The following ACOT13 variants were observed in gnomAD, a reference collection of about 807,000 sequenced individuals.
ACOT13 encodes the protein acyl-CoA thioesterase 13.
In ACOT13, 10 loss-of-function variants were observed where a neutral mutation model predicts 11.8. The ratio of observed to expected loss-of-function variants is 0.85; its 90% CI spans 0.53 to 1.44. The LOEUF is 1.44. ACOT13 is among the 40% of genes most tolerant of loss of function. The pLI is 0.00. For missense variants in ACOT13, 172 were observed against 174.1 expected, an observed-to-expected ratio of 0.99 and a Z score of 0.07; for synonymous variants, 53 against 61.0, an observed-to-expected ratio of 0.87 and a Z score of 0.61.
At chr6:24,674,006 T>C (rs781670183) in intron 1 of ACOT13, among the ~76,000 whole-genome samples, 1 of 152,214 alleles carries the variant, frequency 6.6e-6, no homozygotes, top group Non-Finnish European at 1.5e-5. Context: ...TATTTCCTGA[T>C]TCCTTTACCT....
At chr6:24,685,274 T>C (rs1480208852) in intron 1 of ACOT13, among the ~76,000 whole-genome samples, 1 of 151,986 alleles carries the variant, frequency 6.6e-6, no homozygotes, top group Non-Finnish European at 1.5e-5. Flanking sequence ...AAAGTATGTA[T>C]TTATGCATAG....
rs1199094587 is a variant in ACOT13, at chr6:24,704,926, TTTC to T, written c.*3314_*3316del. 7.2e-5 allele frequency: 11 copies of T among 152,406 alleles called. No individual in the cohort carries two copies. Among genetic ancestry groups the T allele is most frequent in the African/African-American group, 2.4e-4 (10 of 41,406 alleles). 9.4% of individuals were successfully genotyped at this position (152,406 alleles called of 1,614,324 possible). On this transcript the variant is annotated 3_prime_UTR_variant, in exon 3 of 3. Transcript: ENST00000230048. ...TTTATTTAGGTTTTCTTTTTCTTTT[TTTC>T]TTTTTTTTTCAAATTCCAACCAGAA...
intron 1 of ACOT13, among the ~76,000 whole-genome samples, chr6:24,672,549 G>C (rs1464740428): frequency 6.6e-6 from 1 of 152,216 alleles, no homozygotes; most frequent in Non-Finnish European, 1.5e-5. Context: ...TGAGGCAGGA[G>C]AATCGCTTGA....
intron 1 of ACOT13, among the ~76,000 whole-genome samples, chr6:24,678,533 A>C (rs1206928868): frequency 6.6e-6 from 1 of 152,102 alleles, no homozygotes; most frequent in Non-Finnish European, 1.5e-5. Context: ...AGGAGGTAGA[A>C]TCCTTTAATT....
chr6:24,669,550 C>CT (rs1225983901), intron 1 of ACOT13, among the ~76,000 whole-genome samples: 1 of 151,610 alleles, frequency 6.6e-6, no homozygotes, highest in Admixed American at 6.6e-5. Flanking sequence ...GCCCCCTTTT[C>CT]TTTTTTTTAA....
chr6:24,675,299 A>G (rs1361224110), intron 1 of ACOT13, among the ~76,000 whole-genome samples: 5 of 142,112 alleles, frequency 3.5e-5, no homozygotes, highest in African/African-American at 1.0e-4. Context: ...TCCTTGAGGA[A>G]TTGCCAGTGT....
intron 1 of ACOT13, among the ~76,000 whole-genome samples, chr6:24,680,080 G>A (rs967219418): frequency 1.3e-5 from 2 of 152,118 alleles, no homozygotes; most frequent in Non-Finnish European, 2.9e-5. Flanking sequence ...TCGGGGGGAT[G>A]CTGAGATAGG....
Position 24,698,000 on chromosome 6 carries a change from A to G in ACOT13, c.199A>G (p.Ile67Val), listed in dbSNP as rs894340527. 6.2e-6 allele frequency: 10 copies of G among 1,613,938 alleles called. No homozygotes were observed. The highest frequency in any genetic ancestry group is 1.7e-4 in the Middle Eastern group (1 of 6,060). Residue 67 changes from isoleucine (I) to valine (V), a missense_variant, in exon 2 of 3, where the codon ATA becomes GTA. Transcript: ENST00000230048. ...TTTGACAGCCACGTTAGTAGATAAC[A>G]TATCAACAATGGCTCTGCTATGCAC... Reference protein sequence around the residue: ...GGLTATLVDNISTMALLCTER... With the variant: ...GGLTATLVDNVSTMALLCTER...
chr6:24,688,196 C>T (rs373512485), intron 1 of ACOT13, among the ~76,000 whole-genome samples: 3 of 149,600 alleles, frequency 2.0e-5, no homozygotes, highest in Non-Finnish European at 3.0e-5. Flanking sequence ...ATTTTTTTTT[C>T]AAAGATCTAT....
intron 2 of ACOT13, among the ~76,000 whole-genome samples, chr6:24,699,428 T>G (rs558172686): frequency 1.3e-5 from 2 of 152,322 alleles, no homozygotes; most frequent in East Asian, 1.9e-4. Context: ...GCCAGGCTGG[T>G]CTCGATCTCC....
chr6:24,700,425 C>CTTTTTTTTTTTT (rs34173572), intron 2 of ACOT13, among the ~76,000 whole-genome samples: 1 of 105,140 alleles, frequency 9.5e-6, no homozygotes, highest in African/African-American at 4.0e-5. Context: ...TAAGATCCAC[C>CTTTTTTTTTTTT]TTTTTTTTTT....
chr6:24,688,384 A>T (rs1489073175), intron 1 of ACOT13, among the ~76,000 whole-genome samples: 5 of 151,828 alleles, frequency 3.3e-5, no homozygotes, highest in East Asian at 1.9e-4. Flanking sequence ...ACAAAAAAAT[A>T]AAAAAATTAA....
In ACOT13 at chr6:24,698,049, G is replaced by A. The variant is rs1778827320; in HGVS notation, c.248G>A (p.Ser83Asn). 5.6e-6 allele frequency: 9 copies of A among 1,608,652 alleles called. No homozygotes were observed. Among genetic ancestry groups the A allele is most frequent in the Non-Finnish European group, 7.6e-6 (9 of 1,177,874 alleles). Residue 83 changes from serine to asparagine, a missense_variant, in exon 2 of 3, where the codon AGT (serine) becomes AAT (asparagine). Transcript: ENST00000230048. ...LCTERGAPGV[S>N]VDMNITYMSP... ...ACGGAAAGGGGAGCACCCGGAGTCAGTGTCGATATGAACATAACGTATGTA... is the reference window on the plus strand; with the variant it reads ...ACGGAAAGGGGAGCACCCGGAGTCAATGTCGATATGAACATAACGTATGTA...
chr6:24,683,040 T>C lies in ACOT13; in HGVS notation c.82-14843T>C, dbSNP rs565098457. 5.3e-4 allele frequency among the ~76,000 whole-genome samples: 81 copies of C among 152,314 alleles called. No homozygotes were observed. In the South Asian group the frequency reaches 9.1e-3, roughly 17 times the overall value. On this transcript the variant is annotated intron_variant, in intron 1 of 2. Coordinates refer to ENST00000230048, the MANE Select transcript of ACOT13 (RefSeq NM_018473.4). ...GTGTTTAAAGGTGGATGCGGTCACC[T>C]TCCCAGCTAGGCTTAGGGATTCTTA...
At chr6:24,693,667 TTGTGATGAATTGTATCTC>T (rs1215643088) in intron 1 of ACOT13, among the ~76,000 whole-genome samples, 11 of 152,080 alleles carry the variant, frequency 7.2e-5, no homozygotes, top group Admixed American at 1.3e-4. Flanking sequence ...GAGTGTCTCT[TTGTGATGAATTGTATCTC>T]AGATGGGAGA....
At chr6:24,682,418 G>A (rs537178059) in intron 1 of ACOT13, among the ~76,000 whole-genome samples, 2 of 152,140 alleles carry the variant, frequency 1.3e-5, no homozygotes, top group Non-Finnish European at 2.9e-5. Flanking sequence ...TTGGCCTCAC[G>A]GATTCCAAGG....
intron 1 of ACOT13, among the ~76,000 whole-genome samples, chr6:24,675,782 G>GT (rs1778443991): frequency 6.6e-6 from 1 of 152,182 alleles, no homozygotes; most frequent in African/African-American, 2.4e-5. Context: ...TGCTTTTGGT[G>GT]TTTTAGACAT....
intron 1 of ACOT13, among the ~76,000 whole-genome samples, chr6:24,682,602 C>T (rs1045789170): frequency 3.3e-5 from 5 of 152,118 alleles, no homozygotes; most frequent in African/African-American, 1.2e-4. Context: ...GCAATGGACA[C>T]CTCGCTGGAT....
chr6:24,674,644 G>A (rs183012677), intron 1 of ACOT13, among the ~76,000 whole-genome samples: 46 of 152,118 alleles, frequency 3.0e-4, no homozygotes, highest in African/African-American at 9.6e-4. Context: ...TCAAACTCCT[G>A]ACCTCAAGTG....
Sources: allele counts gnomAD v4.1 joint callset (sites outside exome capture counted in the v4.1 genomes callset), GRCh38; gene constraint gnomAD v4.1.1; transcripts MANE v1.5; gene names NCBI Gene and HGNC (gene_info 2026-07-23, HGNC 2026-07-21).